Variants in CALN1 observed in about 807,000 individuals in gnomAD.
CALN1 encodes the protein calneuron 1, also known as calcium-binding protein 8.
CALN1 carries 17 observed loss-of-function variants against 30.6 expected under a neutral mutation model. The observed-to-expected ratio is 0.56, with a 90% CI of 0.38 to 0.83. The LOEUF (loss-of-function observed/expected upper bound fraction) is 0.83, where lower values mean the gene tolerates loss of function less well. CALN1 is among the 40% of genes least tolerant of loss of function. The probability of loss-of-function intolerance (pLI) is 0.00; values close to 1 mark genes in which losing one functional copy is unlikely to be tolerated. For missense variants in CALN1, 291 were observed against 354.9 expected (o/e 0.82, Z 1.45); for synonymous variants, 156 against 131.4 (o/e 1.19, Z -1.28).
rs191696009 is a variant in CALN1 at position 72,231,952 on chromosome 7, C to T, written c.244+46734G>A. ...GAGAGGCAGCAAGTGTCAGAAAAGA[C>T]GCTGTTGTCTTGGACAAGACAGTGC... On this transcript the variant is annotated intron_variant, in intron 3 of 6. Transcript: ENST00000395275. Among the ~76,000 whole-genome samples the T allele has an allele frequency of 2.5e-3, 376 of 152,292 alleles. 3 individuals carry two copies. Among genetic ancestry groups the T allele is most frequent in the Middle Eastern group, 0.017 (5 of 294 alleles).
At chr7:72,473,235 G>A in the CALN1 span, among the ~76,000 whole-genome samples, 2 of 151,788 alleles carry the variant, frequency 1.3e-5, no homozygotes, top group Non-Finnish European at 2.9e-5. Flanking sequence ...ATAAACATGA[G>A]CCACCGTGCC....
intron 3 of CALN1, among the ~76,000 whole-genome samples, chr7:72,145,880 A>C (rs958335645): frequency 5.9e-5 from 9 of 152,262 alleles, no homozygotes; most frequent in African/African-American, 1.7e-4. Flanking sequence ...CCACATGATT[A>C]TCTCAATAGA....
chr7:72,394,629 G>A (rs1805796564), intron 2 of CALN1, among the ~76,000 whole-genome samples: 1 of 150,860 alleles, frequency 6.6e-6, no homozygotes, highest in South Asian at 2.1e-4. Context: ...TATTTAATCT[G>A]AGTGTATGGC....
intron 5 of CALN1, among the ~76,000 whole-genome samples, chr7:71,855,903 T>C (rs1380870154): frequency 6.6e-6 from 1 of 152,178 alleles, no homozygotes; most frequent in East Asian, 1.9e-4. Context: ...CAGTGCTTTT[T>C]CATTTATTTT....
At chr7:72,264,935 G>C (rs183660415) in intron 3 of CALN1, among the ~76,000 whole-genome samples, 1 of 152,254 alleles carries the variant, frequency 6.6e-6, no homozygotes, top group African/African-American at 2.4e-5. Flanking sequence ...GGAACATGCA[G>C]TATTTGGTTT....
intron 3 of CALN1, among the ~76,000 whole-genome samples, chr7:72,183,047 T>G (rs989718536): frequency 3.2e-4 from 49 of 152,196 alleles, no homozygotes; most frequent in Non-Finnish European, 6.2e-4. Flanking sequence ...CTTTTTTGTT[T>G]GTTTTTGGGG....
chr7:72,384,255 G>A (rs1805076973), intron 2 of CALN1, among the ~76,000 whole-genome samples: 5 of 152,130 alleles, frequency 3.3e-5, no homozygotes, highest in Admixed American at 3.3e-4. Context: ...TGGGAGGTGA[G>A]TGAATGTCTG....
intron 2 of CALN1, among the ~76,000 whole-genome samples, chr7:72,336,052 A>C (rs1217368221): frequency 6.6e-6 from 1 of 152,122 alleles, no homozygotes; most frequent in African/African-American, 2.4e-5. Flanking sequence ...CTTGGAGCTC[A>C]GAGACTAGGT....
At position 72,305,776 on chromosome 7, in the gene CALN1, C is replaced by G. The variant is rs908081052; in HGVS notation, c.120-26966G>C. ...ACAACAGAAATTAATTTTCTTATAGCCTGAAGGCTGGATGTCTAAGATCAA... is the reference window on the plus strand; with the variant it reads ...ACAACAGAAATTAATTTTCTTATAGGCTGAAGGCTGGATGTCTAAGATCAA... On this transcript the variant is annotated intron_variant, in intron 2 of 6. Coordinates refer to ENST00000395275, the MANE Select transcript of CALN1 (RefSeq NM_031468.4). Among the ~76,000 whole-genome samples, 20 of 152,268 alleles carry G rather than the reference C, an allele frequency of 1.3e-4. No homozygotes were observed. The East Asian group carries it at 3.9e-3, about 29-fold the overall frequency.
At chr7:71,906,918 G>T (rs1794168947) in intron 5 of CALN1, among the ~76,000 whole-genome samples, 1 of 152,202 alleles carries the variant, frequency 6.6e-6, no homozygotes, top group Non-Finnish European at 1.5e-5. Flanking sequence ...TGCATGTAAT[G>T]TTCAGGTCTG....
intron 5 of CALN1, among the ~76,000 whole-genome samples, chr7:71,853,046 T>C (rs1790740846): frequency 6.6e-6 from 1 of 152,190 alleles, no homozygotes; most frequent in African/African-American, 2.4e-5. Context: ...TAGTGGTTCC[T>C]GTTAGAGAGC....
At chr7:72,480,852 C>G in the CALN1 span, among the ~76,000 whole-genome samples, 1 of 152,150 alleles carries the variant, frequency 6.6e-6, no homozygotes, top group Non-Finnish European at 1.5e-5. Context: ...TTATAATTCA[C>G]TTACTGTATA....
chr7:71,791,836 T>A (rs113799504), intron 6 of CALN1, among the ~76,000 whole-genome samples: 1 of 152,084 alleles, frequency 6.6e-6, no homozygotes, highest in Non-Finnish European at 1.5e-5. Context: ...GGTGAAACCC[T>A]GTCTCTACTA....
At chr7:72,114,257 G>C (rs1215779335) in intron 3 of CALN1, among the ~76,000 whole-genome samples, 1 of 58,936 alleles carries the variant, frequency 1.7e-5, no homozygotes, top group Non-Finnish European at 3.1e-5. Flanking sequence ...GGGAAGGGAA[G>C]GGAAGGGAAG....
chr7:72,117,661 G>C (rs1456130400), intron 3 of CALN1, among the ~76,000 whole-genome samples: 2 of 152,036 alleles, frequency 1.3e-5, no homozygotes, highest in Non-Finnish European at 2.9e-5. Context: ...CATTGCTTAA[G>C]AATGAGTCAC....
chr7:72,309,835 G>A (rs1171051579), intron 2 of CALN1, among the ~76,000 whole-genome samples: 1 of 152,104 alleles, frequency 6.6e-6, no homozygotes, highest in Non-Finnish European at 1.5e-5. Flanking sequence ...TCATCACCAG[G>A]TCCAGGGAGA....
At chr7:72,195,956 T>C (rs1351404400) in intron 3 of CALN1, among the ~76,000 whole-genome samples, 2 of 152,248 alleles carry the variant, frequency 1.3e-5, no homozygotes, top group East Asian at 3.9e-4. Context: ...CTTGAAAACA[T>C]TACACTCAAT....
At chr7:71,914,620 C>A (rs1794594175) in intron 5 of CALN1, among the ~76,000 whole-genome samples, 1 of 152,118 alleles carries the variant, frequency 6.6e-6, no homozygotes, top group African/African-American at 2.4e-5. Flanking sequence ...TGAGGAATCA[C>A]CACACTGTCT....
intron 4 of CALN1, among the ~76,000 whole-genome samples, chr7:72,028,145 C>A (rs1401402328): frequency 6.6e-6 from 1 of 150,874 alleles, no homozygotes; most frequent in African/African-American, 2.4e-5. Flanking sequence ...ATATAATGGG[C>A]ACCATTCTCT....
Sources: gnomAD v4.1 joint callset for allele counts (sites outside exome capture counted in the v4.1 genomes callset) on GRCh38, gnomAD v4.1.1 for gene constraint, MANE v1.5 for transcripts, NCBI Gene and HGNC (gene_info 2026-07-23, HGNC 2026-07-21) for gene names.